Variants in FOXJ3 observed in about 807,000 individuals in gnomAD.
FOXJ3 encodes the protein forkhead box J3.
FOXJ3 carries 22 observed loss-of-function variants against 76.1 expected under a neutral mutation model. The ratio of observed to expected loss-of-function variants is 0.29; its 90% CI spans 0.21 to 0.41. The LOEUF (loss-of-function observed/expected upper bound fraction) is 0.41, where lower values mean the gene tolerates loss of function less well. Among genes scored for constraint, FOXJ3 ranks in the 10% least tolerant of loss-of-function variants. FOXJ3 has a pLI of 1.00. For missense variants in FOXJ3, 613 were observed against 762.1 expected, an observed-to-expected ratio of 0.80 and a Z score of 2.30; for synonymous variants, 269 against 261.2, an observed-to-expected ratio of 1.03 and a Z score of -0.29.
intron 2 of FOXJ3, among the ~76,000 whole-genome samples, chr1:42,286,155 A>G (rs1345086719): frequency 6.6e-6 from 1 of 152,198 alleles, no homozygotes; most frequent in African/African-American, 2.4e-5. Flanking sequence ...GACTGACTTT[A>G]TATTTTGTTA....
chr1:42,238,330 C>T (rs565386454), intron 4 of FOXJ3, among the ~76,000 whole-genome samples: 2 of 152,200 alleles, frequency 1.3e-5, no homozygotes, highest in South Asian at 2.1e-4. Context: ...CCATGCCCAG[C>T]CGCCAATACC....
chr1:42,280,438 TAAAAAA>T (rs71065112), intron 2 of FOXJ3: 29 of 77,542 alleles, frequency 3.7e-4, no homozygotes, highest in Middle Eastern at 0.011. Flanking sequence ...TCAGAGATCT[TAAAAAA>T]AAAAAAAAAA....
chr1:42,185,018 C>T (rs1646406251), intron 11 of FOXJ3, among the ~76,000 whole-genome samples: 1 of 151,942 alleles, frequency 6.6e-6, no homozygotes. Flanking sequence ...GCCATATAGG[C>T]CATAGTAACA....
intron 1 of FOXJ3, among the ~76,000 whole-genome samples, chr1:42,321,306 T>C (rs1655413337): frequency 6.6e-6 from 1 of 152,082 alleles, no homozygotes; most frequent in Non-Finnish European, 1.5e-5. Flanking sequence ...CTGCCTGAAG[T>C]GCTACAATGA....
At chr1:42,317,485 G>C (rs1655181509) in intron 1 of FOXJ3, among the ~76,000 whole-genome samples, 1 of 137,422 alleles carries the variant, frequency 7.3e-6, no homozygotes, top group South Asian at 2.3e-4. Context: ...TATCAGAAGA[G>C]AGGCCACACA....
chr1:42,225,264 C>T (rs1647460905), intron 5 of FOXJ3, among the ~76,000 whole-genome samples: 1 of 152,144 alleles, frequency 6.6e-6, no homozygotes, highest in South Asian at 2.1e-4. Flanking sequence ...TATTTACCAT[C>T]TACATTTAAC....
chr1:42,213,294 T>A (rs757786313), intron 5 of FOXJ3, among the ~76,000 whole-genome samples: 1 of 151,860 alleles, frequency 6.6e-6, no homozygotes, highest in Non-Finnish European at 1.5e-5. Context: ...TGAATGGATT[T>A]AAAAAAAATC....
At chr1:42,309,001 C>CAAAAAAAAAAAAA (rs59583552) in intron 2 of FOXJ3, among the ~76,000 whole-genome samples, 1 of 103,846 alleles carries the variant, frequency 9.6e-6, no homozygotes. Flanking sequence ...AGTCGTTTTA[C>CAAAAAAAAAAAAA]AAAAAAAAAA....
chr1:42,332,092 C>A (rs1422093209), intron 1 of FOXJ3, among the ~76,000 whole-genome samples: 1 of 152,148 alleles, frequency 6.6e-6, no homozygotes, highest in Non-Finnish European at 1.5e-5. Context: ...AACTTCTACA[C>A]CGCATTTGAA....
chr1:42,309,054 A>G (rs1196124227), intron 2 of FOXJ3, among the ~76,000 whole-genome samples: 1 of 151,208 alleles, frequency 6.6e-6, no homozygotes, highest in Non-Finnish European at 1.5e-5. Context: ...GTCAGCCTTG[A>G]CTTGTGAAAA....
At chr1:42,222,085 A>G (rs1022182186) in intron 5 of FOXJ3, among the ~76,000 whole-genome samples, 6 of 140,914 alleles carry the variant, frequency 4.3e-5, no homozygotes, top group African/African-American at 1.7e-4. Context: ...GAAGAAGAAG[A>G]AGAAGAAGAA....
intron 3 of FOXJ3, among the ~76,000 whole-genome samples, chr1:42,277,976 CAAAAAAAAA>C (rs755384247): frequency 1.9e-5 from 1 of 51,580 alleles, no homozygotes; most frequent in African/African-American, 5.8e-5. Flanking sequence ...GACTCCATCT[CAAAAAAAAA>C]AAAAAAAAAA....
chr1:42,327,924 CTAT>C (rs1418497375), intron 1 of FOXJ3, among the ~76,000 whole-genome samples: 6 of 152,176 alleles, frequency 3.9e-5, no homozygotes, highest in African/African-American at 1.4e-4. Flanking sequence ...CTGGCCAACT[CTAT>C]GGAATCCACA....
chr1:42,299,505 T>G (rs749927761), intron 2 of FOXJ3, among the ~76,000 whole-genome samples: 53 of 151,682 alleles, frequency 3.5e-4, no homozygotes, highest in Non-Finnish European at 6.3e-4. Context: ...CCAGTGTGTG[T>G]GGGGGGGTCT....
At chr1:42,244,408 C>G (rs1461863240) in intron 4 of FOXJ3, among the ~76,000 whole-genome samples, 2 of 152,082 alleles carry the variant, frequency 1.3e-5, no homozygotes, top group African/African-American at 4.8e-5. Context: ...CCCAGCTACT[C>G]AAGAGACTGA....
intron 4 of FOXJ3, among the ~76,000 whole-genome samples, chr1:42,243,936 CA>C (rs1557668176): frequency 2.6e-5 from 4 of 152,104 alleles, no homozygotes; most frequent in South Asian, 4.1e-4. Flanking sequence ...AAAAAAGTCT[CA>C]AAAAAATTTT....
chr1:42,245,443 C>T (rs1040310933), intron 4 of FOXJ3, among the ~76,000 whole-genome samples: 2 of 152,150 alleles, frequency 1.3e-5, no homozygotes, highest in Non-Finnish European at 2.9e-5. Flanking sequence ...CAAACCAAAT[C>T]TGACTGCACA....
At chr1:42,319,114 C>T (rs1412499220) in intron 1 of FOXJ3, among the ~76,000 whole-genome samples, 1 of 152,014 alleles carries the variant, frequency 6.6e-6, no homozygotes, top group East Asian at 1.9e-4. Flanking sequence ...CCTGTAGTTC[C>T]GGCTACTCAG....
intron 2 of FOXJ3, among the ~76,000 whole-genome samples, chr1:42,310,375 A>T (rs915005209): frequency 2.6e-5 from 4 of 151,044 alleles, no homozygotes; most frequent in Admixed American, 2.6e-4. Flanking sequence ...CAATTTCTTG[A>T]CCTCGTGATC....
Sources: gnomAD v4.1 joint callset for allele counts (sites outside exome capture counted in the v4.1 genomes callset) on GRCh38, gnomAD v4.1.1 for gene constraint, MANE v1.5 for transcripts, NCBI Gene and HGNC (gene_info 2026-07-23, HGNC 2026-07-21) for gene names.